Variants in DGKI observed in about 807,000 individuals in gnomAD.
DGKI encodes DAG kinase iota.
In DGKI, 55 loss-of-function variants were observed where a neutral mutation model predicts 147.5. That is an observed-to-expected ratio of 0.37 (90% confidence interval 0.30 to 0.47). DGKI has a LOEUF of 0.47. Ranked by LOEUF, DGKI falls within the 20% of genes least tolerant of loss-of-function variation. The pLI, the probability that DGKI is intolerant of heterozygous loss-of-function variation, is 1.00. For missense variants in DGKI, 1,007 were observed against 1,323.8 expected, an observed-to-expected ratio of 0.76 and a Z score of 3.71; for synonymous variants, 469 against 477.1, an observed-to-expected ratio of 0.98 and a Z score of 0.22.
chr7:137,432,728 T>C (rs1813128035), intron 28 of DGKI, among the ~76,000 whole-genome samples: 1 of 152,182 alleles, frequency 6.6e-6, no homozygotes, highest in African/African-American at 2.4e-5. Context: ...AAAGCCTGTC[T>C]CTTTAGCAGG....
chr7:137,438,892 TATACACACATATAGGA>T (rs1420783596), intron 28 of DGKI, among the ~76,000 whole-genome samples: 2 of 152,154 alleles, frequency 1.3e-5, no homozygotes, highest in Admixed American at 1.3e-4. Flanking sequence ...CACACACACA[TATACACACATATAGGA>T]ATACATATAT....
intron 30 of DGKI, among the ~76,000 whole-genome samples, chr7:137,404,271 GAA>G (rs1319719802): frequency 6.6e-6 from 1 of 152,168 alleles, no homozygotes; most frequent in Non-Finnish European, 1.5e-5. Flanking sequence ...CAGTTGAGCT[GAA>G]GTGTTTAGCT....
chr7:137,472,617 T>G (rs1174065300), intron 23 of DGKI, among the ~76,000 whole-genome samples: 3 of 151,252 alleles, frequency 2.0e-5, no homozygotes, highest in Non-Finnish European at 3.0e-5. Context: ...AGAATTATAT[T>G]TTGACATGTG....
At position 137,638,630 on chromosome 7, in the gene DGKI, G is replaced by GTATA. The variant is rs1563126007; in HGVS notation, c.804+6841_804+6842insTATA. On this transcript the variant is annotated intron_variant, in intron 6 of 32. Coordinates refer to ENST00000614521, the MANE Select transcript of DGKI (RefSeq NM_001321708.2). ...TATATATACACACACACATATATAT[G>GTATA]TGTGTATATATGTGTATGTATATAC... Among the ~76,000 whole-genome samples the GTATA allele has an allele frequency of 1.7e-3, 7 of 4,060 alleles. 2 individuals are homozygous for GTATA. The highest frequency in any genetic ancestry group is 7.8e-3 in the Admixed American group (2 of 258). 2.7% of individuals were successfully genotyped at this position (4,060 alleles called of 152,430 possible).
intron 29 of DGKI, among the ~76,000 whole-genome samples, chr7:137,410,232 C>T (rs968594088): frequency 2.8e-4 from 42 of 151,976 alleles, no homozygotes; most frequent in African/African-American, 9.9e-4. Context: ...GGTGAAACCC[C>T]GTCTCAAGTA....
At chr7:137,496,443 G>A (rs568295015) in intron 21 of DGKI, among the ~76,000 whole-genome samples, 2 of 151,764 alleles carry the variant, frequency 1.3e-5, no homozygotes, top group South Asian at 4.1e-4. Flanking sequence ...ATTCTTCACA[G>A]AATTAGAACA....
intron 6 of DGKI, among the ~76,000 whole-genome samples, chr7:137,631,567 A>T (rs6977485): frequency 0.046 from 6,949 of 152,192 alleles, 507 homozygotes; most frequent in African/African-American, 0.16. Flanking sequence ...AATGGGAGAG[A>T]GTGGGGGACT....
chr7:137,531,038 A>C (rs1451716051), intron 20 of DGKI, among the ~76,000 whole-genome samples: 1 of 152,206 alleles, frequency 6.6e-6, no homozygotes, highest in African/African-American at 2.4e-5. Context: ...TAGGAATTTT[A>C]GACTTTAAGT....
At chr7:137,443,637 T>C (rs1471734907) in intron 28 of DGKI, among the ~76,000 whole-genome samples, 1 of 152,188 alleles carries the variant, frequency 6.6e-6, no homozygotes, top group Non-Finnish European at 1.5e-5. Flanking sequence ...CTTTCAGATT[T>C]AGAGTGCTCT....
chr7:137,829,552 C>T (rs574279073), intron 1 of DGKI, among the ~76,000 whole-genome samples: 1 of 152,146 alleles, frequency 6.6e-6, no homozygotes. Context: ...CAGCTACTAG[C>T]TACATAAGGC....
intron 1 of DGKI, among the ~76,000 whole-genome samples, chr7:137,739,637 G>A (rs1268678166): frequency 6.6e-6 from 1 of 152,086 alleles, no homozygotes; most frequent in Non-Finnish European, 1.5e-5. Flanking sequence ...CATTTGCCCT[G>A]CACACAACAT....
At chr7:137,797,614 T>C (rs998109602) in intron 1 of DGKI, among the ~76,000 whole-genome samples, 3 of 152,128 alleles carry the variant, frequency 2.0e-5, no homozygotes, top group African/African-American at 7.2e-5. Context: ...CTGAACTACA[T>C]TGTTTTAGGA....
intron 27 of DGKI, 35 bp downstream of exon 27, chr7:137,463,454 G>A: frequency 6.2e-7 from 1 of 1,610,314 alleles, no homozygotes; most frequent in South Asian, 1.1e-5. Flanking sequence ...CAATCACAGT[G>A]GCACAGAGGA....
At chr7:137,505,095 G>A (rs558737214) in intron 21 of DGKI, among the ~76,000 whole-genome samples, 19 of 149,316 alleles carry the variant, frequency 1.3e-4, no homozygotes, top group South Asian at 6.6e-4. Flanking sequence ...ATAGACAAAG[G>A]GGGGGAACAT....
rs577928161 is a variant in DGKI, at chr7:137,741,047, A to C, written c.402-51045T>G. Among the ~76,000 whole-genome samples the C allele has an allele frequency of 2.6e-5, 4 of 152,298 alleles. No individual in the cohort carries two copies. The South Asian group carries it at 8.3e-4, about 32-fold the overall frequency. ...TATTATTTTGAGAACTAGAAAAATA[A>C]ATTTAAATAGGCTAAGGAGTGCTTG... On this transcript the variant is annotated intron_variant, in intron 1 of 32. Coordinates refer to ENST00000614521, the MANE Select transcript of DGKI (RefSeq NM_001321708.2).
intron 28 of DGKI, among the ~76,000 whole-genome samples, chr7:137,443,872 C>T (rs573449269): frequency 5.3e-5 from 8 of 152,258 alleles, no homozygotes; most frequent in East Asian, 3.9e-4. Flanking sequence ...GTCAACCAGA[C>T]GGGTTGGAAC....
At chr7:137,742,369 C>A (rs1795198559) in intron 1 of DGKI, among the ~76,000 whole-genome samples, 1 of 152,092 alleles carries the variant, frequency 6.6e-6, no homozygotes, top group Non-Finnish European at 1.5e-5. Flanking sequence ...TAGGTAGGGC[C>A]CCTTCTGCAA....
intron 2 of DGKI, among the ~76,000 whole-genome samples, chr7:137,681,493 C>T (rs752036945): frequency 1.2e-4 from 19 of 152,228 alleles, no homozygotes; most frequent in Non-Finnish European, 2.1e-4. Flanking sequence ...GAACTTTTCT[C>T]CAACTCTAAG....
intron 1 of DGKI, among the ~76,000 whole-genome samples, chr7:137,807,907 T>A (rs967224800): frequency 2.0e-5 from 3 of 152,146 alleles, no homozygotes; most frequent in African/African-American, 7.2e-5. Context: ...TCATACACCC[T>A]CTTGCCACCA....
Sources: gnomAD v4.1 joint callset for allele counts (sites outside exome capture counted in the v4.1 genomes callset) on GRCh38, gnomAD v4.1.1 for gene constraint, MANE v1.5 for transcripts, NCBI Gene and HGNC (gene_info 2026-07-23, HGNC 2026-07-21) for gene names.